The following SLC14A1 variants were observed in gnomAD, a reference collection of about 807,000 sequenced individuals.
SLC14A1 encodes the protein urea transporter 1.
Under a neutral mutation model 39.6 loss-of-function variants are expected in SLC14A1, and 36 were observed. The ratio of observed to expected loss-of-function variants is 0.91; its 90% confidence interval spans 0.70 to 1.20. SLC14A1 has a LOEUF of 1.20. Ranked by LOEUF, SLC14A1 falls within the 50% of genes most tolerant of loss-of-function variation. The probability of loss-of-function intolerance (pLI) is 0.00; values close to 1 mark genes in which losing one functional copy is unlikely to be tolerated. For missense variants in SLC14A1, 469 were observed against 478.7 expected (o/e 0.98, Z 0.19); for synonymous variants, 164 against 173.6 (o/e 0.94, Z 0.43).
In SLC14A1 at chr18:45,727,624, A is replaced by G. The variant is rs147396286; in HGVS notation, c.-22+2611A>G. ...AGCTGAGAAGTTTTGACAGCCATGG[A>G]AAAGCTGGGGATAAGTCACCTGGGG... On this transcript the variant is annotated intron_variant, in intron 2 of 9. Transcript: ENST00000321925. Among the ~76,000 whole-genome samples, 753 of 152,328 alleles carry G rather than the reference A, an allele frequency of 4.9e-3. 2 individuals carry two copies. Among genetic ancestry groups the G allele is most frequent in the Non-Finnish European group, 7.4e-3 (502 of 68,022 alleles).
intron 2 of SLC14A1, 45 bp from the exon 3 acceptor site, chr18:45,730,254 AG>A (rs760097920): frequency 1.3e-6 from 2 of 1,568,334 alleles, no homozygotes; most frequent in Non-Finnish European, 1.7e-6. Flanking sequence ...GCTAATCTGG[AG>A]GGCTCTGCCT....
intron 2 of SLC14A1, among the ~76,000 whole-genome samples, chr18:45,728,160 TA>T (rs2046925734): frequency 6.6e-6 from 1 of 152,216 alleles, no homozygotes; most frequent in Admixed American, 6.5e-5. Flanking sequence ...AATCTTTACT[TA>T]ACTTTGGGTG....
At chr18:45,742,353 G>GTTTTTTTTTTTTTTTTTTTTTTTTGTT (rs34628652) in intron 8 of SLC14A1, among the ~76,000 whole-genome samples, 1 of 118,054 alleles carries the variant, frequency 8.5e-6, no homozygotes, top group Non-Finnish European at 1.6e-5. Context: ...TTGTTTTTTG[G>GTTTTTTTTTTTTTTTTTTTTTTTTGTT]TTTTTTTTTT....
At chr18:45,729,610 T>C (rs762961918) in intron 2 of SLC14A1, 17 of 152,220 alleles carry the variant, frequency 1.1e-4, no homozygotes, top group Non-Finnish European at 2.1e-4. Flanking sequence ...TCTACCTTGA[T>C]GAAATATCCT....
In SLC14A1 at chr18:45,750,205, G is replaced by A; in HGVS notation, c.*254G>A. On this transcript the variant is annotated 3_prime_UTR_variant, in exon 10 of 10. Transcript: ENST00000321925. ...CCAATGGGGCCTTGGCACTAAGACTGGAATGTATATAAAGTCAAAGTGCTC... is the reference window on the plus strand; with the variant it reads ...CCAATGGGGCCTTGGCACTAAGACTAGAATGTATATAAAGTCAAAGTGCTC... 3.6e-6 allele frequency: 5 copies of A among 1,397,826 alleles called. No homozygotes were observed. Among genetic ancestry groups the A allele is most frequent in the Non-Finnish European group, 4.6e-6 (5 of 1,077,626 alleles). 86.6% of individuals were successfully genotyped at this position (1,397,826 alleles called of 1,614,324 possible).
rs148557424 is a variant in SLC14A1 at position 45,733,586 on chromosome 18, C to T, written c.342-688C>T. ...CTAAAAGCGCTCTTCAAGTCAGAGG[C>T]TCTTGATTTAAAAGAATAACTTTCC... On this transcript the variant is annotated intron_variant, in intron 4 of 9. Coordinates refer to ENST00000321925, the MANE Select transcript of SLC14A1 (RefSeq NM_015865.7). 9.8e-5 allele frequency among the ~76,000 whole-genome samples: 15 copies of T among 152,304 alleles called. No individual in the cohort carries two copies. The East Asian group carries it at 2.7e-3, about 27-fold the overall frequency.
At chr18:45,736,809 A>G (rs1447716321) in intron 6 of SLC14A1, among the ~76,000 whole-genome samples, 161 bp downstream of exon 6, 1 of 152,182 alleles carries the variant, frequency 6.6e-6, no homozygotes, top group East Asian at 1.9e-4. Context: ...ACTCCAGAGC[A>G]TTAGGGTCTA....
chr18:45,731,314 T>G, intron 4 of SLC14A1, 110 bp downstream of exon 4: 1 of 1,037,734 alleles, frequency 9.6e-7, no homozygotes. Context: ...AAACAACATT[T>G]AGTCCACAGA....
chr18:45,735,990 C>T (rs989417173), intron 5 of SLC14A1, among the ~76,000 whole-genome samples: 19 of 152,152 alleles, frequency 1.2e-4, no homozygotes, highest in African/African-American at 4.6e-4. Context: ...TCCTCCAGCT[C>T]ACACTACCTG....
chr18:45,739,707 G>A (rs764705845), intron 8 of SLC14A1, 45 bp downstream of exon 8: 2 of 1,613,474 alleles, frequency 1.2e-6, no homozygotes, highest in Admixed American at 1.7e-5. Context: ...ATGACTACAG[G>A]ATCTCAATCA....
chr18:45,730,629 T>A (rs1041926835), intron 3 of SLC14A1, among the ~76,000 whole-genome samples, 158 bp downstream of exon 3: 1 of 152,166 alleles, frequency 6.6e-6, no homozygotes, highest in Non-Finnish European at 1.5e-5. Flanking sequence ...TGCAAACCTC[T>A]CCATTTTTTT....
intron 2 of SLC14A1, chr18:45,730,058 G>A: frequency 2.3e-6 from 1 of 430,152 alleles, no homozygotes; most frequent in Non-Finnish European, 4.1e-6. Context: ...ACCAGACACT[G>A]CACCTTATGA....
At position 45,750,049 on chromosome 18, in the gene SLC14A1, TC is replaced by T. The variant is rs1249924698; in HGVS notation, c.*99del. The T allele has an allele frequency of 6.2e-7, 1 of 1,609,380 alleles. No individual in the cohort carries two copies. The highest frequency in any genetic ancestry group is 1.3e-5 in the African/African-American group (1 of 75,000). On this transcript the variant is annotated 3_prime_UTR_variant, in exon 10 of 10. Coordinates refer to ENST00000321925, the MANE Select transcript of SLC14A1 (RefSeq NM_015865.7). The stretch of plus-strand genomic sequence containing the variant: ...AGCAAACTGCTGTTTTTCACGAGTA[TC>T]AACTTTCATACTGACGCGTCTGTAA...
In SLC14A1 at chr18:45,750,491, C is replaced by G. The variant is rs1031795578; in HGVS notation, c.*540C>G. The G allele has an allele frequency of 9.8e-7, 1 of 1,023,674 alleles. No homozygotes were observed. Among genetic ancestry groups the G allele is most frequent in the Non-Finnish European group, 1.2e-6 (1 of 853,342 alleles). 63.4% of individuals were successfully genotyped at this position (1,023,674 alleles called of 1,614,324 possible). A position where few individuals can be genotyped will look rare whatever the true frequency, so the allele number is the denominator to read the frequency against. On this transcript the variant is annotated 3_prime_UTR_variant, in exon 10 of 10. Coordinates refer to ENST00000321925, the MANE Select transcript of SLC14A1 (RefSeq NM_015865.7). ...AGCTGACAGCAGAGCTCAGTCCCCACTTCCTGCAAACAATGGCCTGCACCC... is the reference window on the plus strand; with the variant it reads ...AGCTGACAGCAGAGCTCAGTCCCCAGTTCCTGCAAACAATGGCCTGCACCC...
chr18:45,739,415 GGGACCA>G (rs1348758057), intron 7 of SLC14A1, 105 bp downstream of exon 7: 1 of 1,605,240 alleles, frequency 6.2e-7, no homozygotes, highest in Non-Finnish European at 8.5e-7. Flanking sequence ...TGGCTTCCTA[GGGACCA>G]ATGGGAGTTC....
In SLC14A1 at chr18:45,736,446, C is replaced by CT. The variant is rs2047196732; in HGVS notation, c.471-3dup. 1 of 1,611,992 alleles carries CT rather than the reference C, an allele frequency of 6.2e-7. No individual in the cohort carries two copies. Among genetic ancestry groups the CT allele is most frequent in the East Asian group, 2.2e-5 (1 of 44,874 alleles). ...CACATGCACATTCTTTTGCTCTGTT[C>CT]TTTTTTTAGCCCAATTTTCTCAAGT... On this transcript the variant is annotated splice_polypyrimidine_tract_variant and intron_variant, in intron 5 of 9. Transcript: ENST00000321925.
At chr18:45,727,315 A>G in intron 2 of SLC14A1, 1 of 1,551,550 alleles carries the variant, frequency 6.4e-7, no homozygotes, top group South Asian at 1.2e-5. Flanking sequence ...GACGCCCGTC[A>G]TGGTCCTGTT....
At chr18:45,745,164 A>T (rs1660844719) in intron 8 of SLC14A1, among the ~76,000 whole-genome samples, 1 of 152,128 alleles carries the variant, frequency 6.6e-6, no homozygotes, top group African/African-American at 2.4e-5. Flanking sequence ...AACCACTTGA[A>T]CTCGGAAGGC....
intron 2 of SLC14A1, chr18:45,729,825 G>C (rs1247723850): frequency 1.3e-5 from 2 of 152,440 alleles, no homozygotes; most frequent in South Asian, 2.1e-4. Flanking sequence ...AATTTAAAAA[G>C]GCTACCTGTC....
Sources: allele counts gnomAD v4.1 joint callset (sites outside exome capture counted in the v4.1 genomes callset), GRCh38; gene constraint gnomAD v4.1.1; transcripts MANE v1.5; gene names NCBI Gene and HGNC (gene_info 2026-07-23, HGNC 2026-07-21).